EDA: variants seen among roughly 807,000 people sequenced by gnomAD.
EDA encodes the protein ectodysplasin A.
In EDA, 2 loss-of-function variants were observed where a neutral mutation model predicts 23.6. The ratio of observed to expected loss-of-function variants is 0.08; its 90% CI spans 0.03 to 0.27. EDA has a LOEUF of 0.27. EDA is among the 10% of genes least tolerant of loss of function. The pLI is 1.00. For missense variants in EDA, 229 were observed against 324.2 expected (o/e 0.71, Z 2.26); for synonymous variants, 131 against 132.0 (o/e 0.99, Z 0.05).
In EDA at chrX:69,731,004, A is replaced by C. The variant is rs780650666; in HGVS notation, c.396+114300A>C. On this transcript the variant is annotated intron_variant, in intron 1 of 7. Transcript: ENST00000374552. The stretch of plus-strand genomic sequence containing the variant: ...TGAAACCATGTCAACCTGAAATTTT[A>C]TTTGTTGGATAGTTTATACATACAA... 2.7e-5 allele frequency among the ~76,000 whole-genome samples: 3 copies of C among 112,664 alleles called. No homozygotes were observed. The South Asian group carries it at 1.1e-3, about 41-fold the overall frequency.
intron 1 of EDA, among the ~76,000 whole-genome samples, chrX:69,955,583 G>C (rs936701417): frequency 5.4e-5 from 6 of 110,983 alleles, no homozygotes; most frequent in African/African-American, 2.0e-4. Flanking sequence ...TTTATTTTTT[G>C]AACTGATAAT....
At chrX:69,775,673 G>A (rs1422960744) in intron 1 of EDA, among the ~76,000 whole-genome samples, 1 of 111,694 alleles carries the variant, frequency 9.0e-6, no homozygotes, top group Admixed American at 9.6e-5. Flanking sequence ...TATTTTATAA[G>A]TCCAATTTTT....
rs773300274 is a variant in EDA, at chrX:69,920,016, GCTT to G, written c.397-37007_397-37005del. Among the ~76,000 whole-genome samples the G allele has an allele frequency of 6.3e-5, 7 of 111,110 alleles. No individual in the cohort carries two copies. The East Asian group carries it at 2.0e-3, about 32-fold the overall frequency. Reference sequence around the variant, plus strand: ...TTTGCATGTCACTGCAGTGAGAGCAGCTTCTTTTGTATGCATACTTTTCTCCTT... The same window carrying G: ...TTTGCATGTCACTGCAGTGAGAGCAGCTTTTGTATGCATACTTTTCTCCTT... On this transcript the variant is annotated intron_variant, in intron 1 of 7. Coordinates refer to ENST00000374552, the MANE Select transcript of EDA (RefSeq NM_001399.5).
intron 1 of EDA, among the ~76,000 whole-genome samples, chrX:69,888,612 C>A (rs947644262): frequency 3.7e-5 from 4 of 108,025 alleles, no homozygotes; most frequent in Admixed American, 2.0e-4. Context: ...AAATATATTG[C>A]ATACAAATGG....
intron 6 of EDA, 48 bp from the exon 7 acceptor site, chrX:70,033,348 CCT>C (rs1448473101): frequency 8.3e-7 from 1 of 1,207,712 alleles, no homozygotes; most frequent in Non-Finnish European, 1.1e-6. Flanking sequence ...TTTTCTGTTG[CCT>C]CGATTATTCT....
intron 2 of EDA, among the ~76,000 whole-genome samples, chrX:69,982,338 C>T (rs2019421645): frequency 9.0e-6 from 1 of 111,230 alleles, no homozygotes; most frequent in Non-Finnish European, 1.9e-5. Context: ...ATCTTTCCCC[C>T]CAAGAAACAC....
chrX:69,694,109 A>G (rs781255391), intron 1 of EDA, among the ~76,000 whole-genome samples: 9 of 112,362 alleles, frequency 8.0e-5, no homozygotes, highest in Non-Finnish European at 1.7e-4. Context: ...TTTATACTCC[A>G]TGATGAGTTA....
chrX:69,691,509 G>A (rs1407375397), intron 1 of EDA, among the ~76,000 whole-genome samples: 1 of 111,286 alleles, frequency 9.0e-6, no homozygotes, highest in Non-Finnish European at 1.9e-5. Context: ...CTAAAATTTA[G>A]GCATATAACC....
chrX:69,840,449 T>A (rs1440191283), intron 1 of EDA, among the ~76,000 whole-genome samples: 2 of 112,148 alleles, frequency 1.8e-5, no homozygotes, highest in Non-Finnish European at 3.8e-5. Flanking sequence ...GCATATGGCA[T>A]GAGCCCAATA....
At chrX:69,871,129 G>A (rs2017559917) in intron 1 of EDA, among the ~76,000 whole-genome samples, 1 of 111,342 alleles carries the variant, frequency 9.0e-6, no homozygotes, top group South Asian at 3.8e-4. Context: ...AACAGTTTCT[G>A]CCAAGGACTA....
chrX:69,924,530 G>T (rs955186210), intron 1 of EDA, among the ~76,000 whole-genome samples: 1 of 111,414 alleles, frequency 9.0e-6, no homozygotes, highest in Non-Finnish European at 1.9e-5. Flanking sequence ...TACCAGTACC[G>T]TGCTGTTTTG....
At chrX:69,958,943 C>A (rs887569002) in intron 2 of EDA, among the ~76,000 whole-genome samples, 1 of 111,128 alleles carries the variant, frequency 9.0e-6, no homozygotes, top group Non-Finnish European at 1.9e-5. Context: ...CTATAGTGGG[C>A]GTGGTCTTCC....
chrX:69,640,039 A>G (rs979167015), intron 1 of EDA, among the ~76,000 whole-genome samples: 1 of 111,717 alleles, frequency 9.0e-6, no homozygotes, highest in African/African-American at 3.3e-5. Flanking sequence ...TGGTCTTGGT[A>G]TCCTTGTTGA....
chrX:69,895,468 A>G (rs1163639666), intron 1 of EDA, among the ~76,000 whole-genome samples: 1 of 108,482 alleles, frequency 9.2e-6, no homozygotes, highest in African/African-American at 3.4e-5. Context: ...TTTCTGTCCC[A>G]GTATATAGCC....
chrX:69,971,395 G>T (rs5936812), intron 2 of EDA, among the ~76,000 whole-genome samples: 37,150 of 111,611 alleles, frequency 0.33, 4,520 homozygotes, highest in African/African-American at 0.4. Context: ...GAATGTCAAA[G>T]AAATAAGAGA....
chrX:69,926,769 C>G (rs1023065506), intron 1 of EDA, among the ~76,000 whole-genome samples: 2 of 111,327 alleles, frequency 1.8e-5, no homozygotes, highest in African/African-American at 6.5e-5. Flanking sequence ...TAAAGTCTCC[C>G]ACGATTATTG....
intron 2 of EDA, among the ~76,000 whole-genome samples, chrX:70,016,045 GA>G (rs369409357): frequency 0.24 from 20,711 of 87,064 alleles, 1,750 homozygotes; most frequent in Non-Finnish European, 0.29. Context: ...AATGGAGAAA[GA>G]AAAAAAAAAA....
At chrX:69,780,964 T>A (rs1428812606) in intron 1 of EDA, among the ~76,000 whole-genome samples, 1 of 112,162 alleles carries the variant, frequency 8.9e-6, no homozygotes, top group Non-Finnish European at 1.9e-5. Context: ...GATTTGTCTA[T>A]GATGTACATT....
chrX:69,641,691 T>C (rs1932840519), intron 1 of EDA, among the ~76,000 whole-genome samples: 2 of 111,811 alleles, frequency 1.8e-5, no homozygotes, highest in South Asian at 7.5e-4. Flanking sequence ...ATTACACTAT[T>C]GGTGCCAACT....
Sources: gnomAD v4.1 joint callset for allele counts (sites outside exome capture counted in the v4.1 genomes callset) on GRCh38, gnomAD v4.1.1 for gene constraint, MANE v1.5 for transcripts, NCBI Gene and HGNC (gene_info 2026-07-23, HGNC 2026-07-21) for gene names.